Variants in TRAPPC9 observed in about 807,000 individuals in gnomAD.
The protein encoded by TRAPPC9 is IKK2 binding protein.
A neutral mutation model predicts 124.0 loss-of-function variants in TRAPPC9; 83 were observed. That is an observed-to-expected ratio of 0.67 (90% CI 0.56 to 0.80). The LOEUF is 0.80. Ranked by LOEUF, TRAPPC9 falls within the 30% of genes least tolerant of loss-of-function variation. The pLI is 0.00. For synonymous variants in TRAPPC9, 638 were observed against 617.5 expected (o/e 1.03, Z -0.49); for missense variants, 1,302 against 1,508.3 (o/e 0.86, Z 2.27).
At chr8:139,901,669 A>G (rs977349974) in intron 20 of TRAPPC9, among the ~76,000 whole-genome samples, 2 of 152,226 alleles carry the variant, frequency 1.3e-5, no homozygotes, top group Admixed American at 1.3e-4. Context: ...GAATGCTGCC[A>G]TCTCCATAGG....
chr8:140,164,901 C>G (rs2061808329), intron 17 of TRAPPC9, among the ~76,000 whole-genome samples: 1 of 152,222 alleles, frequency 6.6e-6, no homozygotes, highest in Non-Finnish European at 1.5e-5. Context: ...CTCACCCCCA[C>G]CAGCAGCAGC....
intron 21 of TRAPPC9, among the ~76,000 whole-genome samples, chr8:139,796,043 GAGA>G (rs1402896177): frequency 8.1e-5 from 12 of 147,664 alleles, no homozygotes; most frequent in Non-Finnish European, 1.5e-4. Context: ...GGAGGAAGAG[GAGA>G]AGGAGGAGGA....
chr8:139,791,361 CT>C (rs369102923), intron 21 of TRAPPC9, among the ~76,000 whole-genome samples: 3 of 150,778 alleles, frequency 2.0e-5, no homozygotes, highest in African/African-American at 7.3e-5. Flanking sequence ...AGGCGCTCAT[CT>C]CCCCTGCACA....
chr8:140,279,683 C>T (rs544130152), intron 14 of TRAPPC9, among the ~76,000 whole-genome samples: 1 of 152,232 alleles, frequency 6.6e-6, no homozygotes, highest in African/African-American at 2.4e-5. Flanking sequence ...AGCATGCACG[C>T]ACCCCCGTCA....
chr8:139,749,549 C>A (rs1016536732), intron 21 of TRAPPC9, among the ~76,000 whole-genome samples: 1 of 152,162 alleles, frequency 6.6e-6, no homozygotes, highest in African/African-American at 2.4e-5. Context: ...TGAAGCATGC[C>A]GGGAACCCCT....
At chr8:139,830,566 A>G (rs1825923215) in intron 21 of TRAPPC9, among the ~76,000 whole-genome samples, 1 of 151,944 alleles carries the variant, frequency 6.6e-6, no homozygotes, top group Non-Finnish European at 1.5e-5. Context: ...ACATGCAAAT[A>G]CACATGCACA....
chr8:140,076,983 T>G (rs536119890), intron 17 of TRAPPC9, among the ~76,000 whole-genome samples: 1 of 151,724 alleles, frequency 6.6e-6, no homozygotes, highest in Non-Finnish European at 1.5e-5. Flanking sequence ...CTGGGCAACA[T>G]AGCAAGACTC....
intron 17 of TRAPPC9, among the ~76,000 whole-genome samples, chr8:140,173,841 C>T (rs997921674): frequency 9.9e-5 from 15 of 152,162 alleles, no homozygotes; most frequent in African/African-American, 2.9e-4. Flanking sequence ...CAGACTAGAA[C>T]GTGCTTCAGT....
Position 140,182,686 on chromosome 8 carries a change from G to T in TRAPPC9, c.2556+38773C>A, listed in dbSNP as rs2062231133. Reference sequence around the variant, plus strand: ...CAGAACAAATCTTTGTGCCATTTGAGAGCTTACTTTAAGAAATTCTAAAAA... The same window carrying T: ...CAGAACAAATCTTTGTGCCATTTGATAGCTTACTTTAAGAAATTCTAAAAA... On this transcript the variant is annotated intron_variant, in intron 17 of 22. Coordinates refer to ENST00000438773, the MANE Select transcript of TRAPPC9 (RefSeq NM_001160372.4). This position sits in a 1 kb window ranked among gnomAD's most constrained non-coding sequence, Gnocchi z 4.0. Among the ~76,000 whole-genome samples, 1 of 152,096 alleles carries T rather than the reference G, an allele frequency of 6.6e-6. No individual in the cohort carries two copies. The highest frequency in any genetic ancestry group is 2.4e-5 in the African/African-American group (1 of 41,412).
chr8:140,343,272 C>A (rs2067243185), intron 9 of TRAPPC9, among the ~76,000 whole-genome samples: 1 of 152,154 alleles, frequency 6.6e-6, no homozygotes, highest in Non-Finnish European at 1.5e-5. Context: ...CGGCCTCAAC[C>A]CTCACTCTCC....
chr8:140,228,615 G>A (rs923641793), intron 16 of TRAPPC9, among the ~76,000 whole-genome samples: 12 of 152,228 alleles, frequency 7.9e-5, no homozygotes, highest in Non-Finnish European at 4.4e-5. Context: ...AGTGGGACCA[G>A]ACGTAAAGTC....
chr8:140,041,606 G>A (rs1361008366), intron 17 of TRAPPC9, among the ~76,000 whole-genome samples: 3 of 152,224 alleles, frequency 2.0e-5, no homozygotes, highest in South Asian at 2.1e-4. Flanking sequence ...TGGGGAGAAC[G>A]CTCGTGACTT....
In TRAPPC9 at chr8:140,283,991, C is replaced by G; in HGVS notation, c.2012G>C (p.Ser671Thr). The G allele has an allele frequency of 1.2e-6, 2 of 1,614,150 alleles. No individual in the cohort carries two copies. Among genetic ancestry groups the G allele is most frequent in the Non-Finnish European group, 1.7e-6 (2 of 1,180,014 alleles). ...GYHTTVFGVF[S>T]DCLLDNLPGI... ...CGGCAGGTTATCCAGCAAACAGTCA[C>G]TGAACACACCGAAGACCGTGGTATG... is the stretch of plus-strand genomic sequence containing the variant. Residue 671 changes from serine (S) to threonine (T), a missense_variant, in exon 14 of 23, where the codon AGT becomes ACT. This residue lies in a region of TRAPPC9 where 640 missense variants were observed against 679.3 expected (regional missense o/e 0.94). Coordinates refer to ENST00000438773, the MANE Select transcript of TRAPPC9 (RefSeq NM_001160372.4).
At chr8:139,987,689 T>C (rs541840891) in intron 19 of TRAPPC9, among the ~76,000 whole-genome samples, 5 of 152,150 alleles carry the variant, frequency 3.3e-5, no homozygotes, top group Non-Finnish European at 5.9e-5. Context: ...TAGAATTCCA[T>C]GTGTAAGTGT....
In TRAPPC9 at chr8:140,025,364, TAAAAC is replaced by T. The variant is rs1371483063; in HGVS notation, c.2557-1290_2557-1286del. Among the ~76,000 whole-genome samples, 15 of 152,006 alleles carry T rather than the reference TAAAAC, an allele frequency of 9.9e-5. No homozygotes were observed. The South Asian group carries it at 2.7e-3, about 27-fold the overall frequency. On this transcript the variant is annotated intron_variant, in intron 17 of 22. Transcript: ENST00000438773. ...AGTTTTTACATTTGTTTACAGCTTG[TAAAAC>T]AAAACAAAACAAAGCAAAACCAGAG...
intron 18 of TRAPPC9, among the ~76,000 whole-genome samples, chr8:140,011,697 T>TG (rs1839145012): frequency 2.2e-5 from 2 of 92,948 alleles, no homozygotes. Flanking sequence ...TTTTTTTTTT[T>TG]GACGGAGTCT....
intron 21 of TRAPPC9, among the ~76,000 whole-genome samples, chr8:139,882,570 C>T (rs990488616): frequency 7.9e-5 from 12 of 152,198 alleles, no homozygotes; most frequent in African/African-American, 2.9e-4. Context: ...GCACTGAGCC[C>T]AGCTGTGGGG....
intron 9 of TRAPPC9, among the ~76,000 whole-genome samples, chr8:140,326,162 G>A (rs1028835231): frequency 2.6e-5 from 4 of 151,378 alleles, no homozygotes; most frequent in East Asian, 1.9e-4. Context: ...CGAGGCGGGC[G>A]GATCATGAGA....
intron 17 of TRAPPC9, among the ~76,000 whole-genome samples, chr8:140,074,523 T>C (rs1215691249): frequency 6.6e-6 from 1 of 152,196 alleles, no homozygotes; most frequent in Non-Finnish European, 1.5e-5. Flanking sequence ...GCACAGAAGA[T>C]GGCAGGGTGG....
Sources: allele counts gnomAD v4.1 joint callset (sites outside exome capture counted in the v4.1 genomes callset), GRCh38; gene constraint gnomAD v4.1.1; regional missense constraint gnomAD v4.1.1; non-coding constraint Gnocchi (gnomAD v3.1); transcripts MANE v1.5; gene names NCBI Gene and HGNC (gene_info 2026-07-23, HGNC 2026-07-21).